The following FAT3 variants were observed in gnomAD, a reference collection of about 807,000 sequenced individuals.
FAT3 encodes the protein protocadherin Fat 3.
In FAT3, 95 loss-of-function variants were observed where a neutral mutation model predicts 310.2. That is an observed-to-expected ratio of 0.31 (90% CI 0.26 to 0.36). The LOEUF (loss-of-function observed/expected upper bound fraction) is 0.36, where lower values mean the gene tolerates loss of function less well. FAT3 is among the 10% of genes least tolerant of loss of function. FAT3 has a pLI of 1.00. For synonymous variants in FAT3, 2,314 were observed against 2,192.9 expected (o/e 1.06, Z -1.54); for missense variants, 5,408 against 5,715.6 (o/e 0.95, Z 1.74).
intron 1 of FAT3, among the ~76,000 whole-genome samples, chr11:92,340,890 C>T (rs561300268): frequency 3.9e-5 from 6 of 152,172 alleles, no homozygotes; most frequent in South Asian, 4.2e-4. Context: ...TTAGCTAAGA[C>T]GCAGTTGTCA....
chr11:92,266,434 G>A (rs1591028634), intron 1 of FAT3, among the ~76,000 whole-genome samples: 3 of 152,312 alleles, frequency 2.0e-5, no homozygotes, highest in African/African-American at 7.2e-5. Flanking sequence ...GGCATATTGA[G>A]CTGTGTGGCC....
intron 2 of FAT3, among the ~76,000 whole-genome samples, chr11:92,416,616 T>A (rs778160322): frequency 6.6e-6 from 1 of 152,242 alleles, no homozygotes; most frequent in Non-Finnish European, 1.5e-5. Context: ...TTCCAAACTC[T>A]GTCAGTGCTT....
At chr11:92,526,829 A>C (rs1374373134) in intron 3 of FAT3, among the ~76,000 whole-genome samples, 2 of 152,198 alleles carry the variant, frequency 1.3e-5, no homozygotes, top group African/African-American at 2.4e-5. Flanking sequence ...TTTTTGTCCA[A>C]CTGATCTAAT....
chr11:92,535,155 G>A (rs532670540), intron 3 of FAT3, among the ~76,000 whole-genome samples: 33 of 152,206 alleles, frequency 2.2e-4, no homozygotes, highest in African/African-American at 6.0e-4. Flanking sequence ...AAAATACTCC[G>A]TATGCCAAGG....
In FAT3 at chr11:92,895,893, G is replaced by A. The variant is rs1950019502; in HGVS notation, c.*4780G>A. On this transcript the variant is annotated 3_prime_UTR_variant, in exon 28 of 28. Transcript: ENST00000525166. ...AATATAATTGTAAGTCATCCACGCT[G>A]TTGGTCTGCAAACTTTTGAGGTAAC... 1 of 150,262 alleles carries A rather than the reference G, an allele frequency of 6.7e-6. No homozygotes were observed. Among genetic ancestry groups the A allele is most frequent in the African/African-American group, 2.5e-5 (1 of 40,510 alleles). The allele number at this position is 150,262 out of a possible 1,614,324, so 9.3% of individuals were successfully genotyped here.
intron 2 of FAT3, among the ~76,000 whole-genome samples, chr11:92,441,331 C>T (rs1951059515): frequency 1.3e-5 from 2 of 152,266 alleles, no homozygotes; most frequent in Non-Finnish European, 2.9e-5. Flanking sequence ...CAGAGTTTTA[C>T]GTGGATCATG....
chr11:92,452,604 GA>G (rs1188811994), intron 2 of FAT3, among the ~76,000 whole-genome samples: 1 of 152,092 alleles, frequency 6.6e-6, no homozygotes, highest in Non-Finnish European at 1.5e-5. Flanking sequence ...ACCCTATAGG[GA>G]TGGTGCTATT....
intron 3 of FAT3, among the ~76,000 whole-genome samples, chr11:92,644,663 C>T (rs760960269): frequency 1.3e-5 from 2 of 152,178 alleles, no homozygotes; most frequent in Non-Finnish European, 2.9e-5. Context: ...TACCACGTGA[C>T]TTGACTGTCC....
intron 3 of FAT3, 54 bp downstream of exon 3, chr11:92,525,002 C>A: frequency 1.4e-6 from 2 of 1,389,894 alleles, no homozygotes; most frequent in Non-Finnish European, 2.0e-6. Flanking sequence ...CCTTTAAATT[C>A]ATCAGCCTGA....
chr11:92,412,712 T>TACAC (rs1411089275), intron 2 of FAT3, among the ~76,000 whole-genome samples: 5 of 16,342 alleles, frequency 3.1e-4, no homozygotes, highest in Non-Finnish European at 8.0e-4. Context: ...GATATATATA[T>TACAC]ATATATATAT....
At chr11:92,681,217 T>G (rs1292966666) in intron 3 of FAT3, among the ~76,000 whole-genome samples, 2 of 152,110 alleles carry the variant, frequency 1.3e-5, no homozygotes, top group African/African-American at 4.8e-5. Flanking sequence ...AATAGATAAG[T>G]GAACAAATAT....
At chr11:92,848,849 G>C (rs562406275) in intron 19 of FAT3, among the ~76,000 whole-genome samples, 1 of 152,346 alleles carries the variant, frequency 6.6e-6, no homozygotes, top group Admixed American at 6.5e-5. Flanking sequence ...TGGAGGTGGT[G>C]CTGCCTGAGC....
At chr11:92,567,971 G>A (rs994385702) in intron 3 of FAT3, among the ~76,000 whole-genome samples, 8 of 151,928 alleles carry the variant, frequency 5.3e-5, no homozygotes, top group South Asian at 2.1e-4. Context: ...CAGTGCACCC[G>A]CATGGCACAT....
chr11:92,656,558 A>T lies in FAT3; in HGVS notation c.3608-40826A>T, dbSNP rs75506733. On this transcript the variant is annotated intron_variant, in intron 3 of 27. Transcript: ENST00000525166. ...ACACCAACATAAACTTTCCACTACA[A>T]TGGCTTAGACCACCATTAGTTCTGC... is the stretch of plus-strand genomic sequence containing the variant. 1.5e-4 allele frequency among the ~76,000 whole-genome samples: 23 copies of T among 152,324 alleles called. No individual in the cohort carries two copies. In the East Asian group the frequency reaches 4.4e-3, roughly 29 times the overall value.
chr11:92,509,499 G>A (rs1439793934), intron 2 of FAT3, among the ~76,000 whole-genome samples: 1 of 152,186 alleles, frequency 6.6e-6, no homozygotes, highest in East Asian at 1.9e-4. Flanking sequence ...AACATCACAT[G>A]AATATTTCAG....
intron 3 of FAT3, among the ~76,000 whole-genome samples, chr11:92,559,224 G>A (rs1333108248): frequency 6.6e-6 from 1 of 151,952 alleles, no homozygotes; most frequent in Non-Finnish European, 1.5e-5. Flanking sequence ...GATATATTCA[G>A]TTGTGCAACC....
At chr11:92,309,603 G>A (rs988558325) in intron 1 of FAT3, among the ~76,000 whole-genome samples, 1 of 151,994 alleles carries the variant, frequency 6.6e-6, no homozygotes, top group Admixed American at 6.6e-5. Flanking sequence ...CTCTTCTTCA[G>A]GACAAAGGTT....
intron 6 of FAT3, among the ~76,000 whole-genome samples, chr11:92,765,521 C>G (rs1326942939): frequency 6.6e-6 from 1 of 151,746 alleles, no homozygotes; most frequent in African/African-American, 2.4e-5. Context: ...CAAGCATGCT[C>G]GAGAGATGTT....
At chr11:92,282,574 A>G (rs1469113856) in intron 1 of FAT3, among the ~76,000 whole-genome samples, 2 of 151,978 alleles carry the variant, frequency 1.3e-5, no homozygotes, top group South Asian at 2.1e-4. Context: ...CTGAGGCAGG[A>G]GAATCACTTG....
Sources: allele counts gnomAD v4.1 joint callset (sites outside exome capture counted in the v4.1 genomes callset), GRCh38; gene constraint gnomAD v4.1.1; transcripts MANE v1.5; gene names NCBI Gene and HGNC (gene_info 2026-07-23, HGNC 2026-07-21).